PUDP: variants seen among roughly 807,000 people sequenced by gnomAD.
PUDP encodes the protein pseudouridine-5'-phosphatase.
In PUDP, 8 loss-of-function variants were observed where a neutral mutation model predicts 9.4. That is an observed-to-expected ratio of 0.85 (90% CI 0.50 to 1.53). The LOEUF (loss-of-function observed/expected upper bound fraction) is 1.53, where lower values mean the gene tolerates loss of function less well. Among genes scored for constraint, PUDP ranks in the 40% most tolerant of loss-of-function variants. PUDP has a pLI of 0.00. For synonymous variants in PUDP, 99 were observed against 80.7 expected (o/e 1.23, Z -1.22); for missense variants, 188 against 189.7 (o/e 0.99, Z 0.05).
intron 3 of PUDP, among the ~76,000 whole-genome samples, chrX:6,830,256 C>T (rs182953769): frequency 1.4e-3 from 160 of 110,354 alleles, no homozygotes; most frequent in African/African-American, 5.1e-3. Context: ...ACAACATCAA[C>T]CTGGAGGCTG....
intron 3 of PUDP, among the ~76,000 whole-genome samples, chrX:6,781,578 T>C (rs1319728456): frequency 8.9e-6 from 1 of 112,172 alleles, no homozygotes; most frequent in African/African-American, 3.2e-5. Flanking sequence ...GAAATCCTGA[T>C]TTGGCTTTTG....
chrX:7,005,829 T>C (rs756130783), intron 1 of PUDP, among the ~76,000 whole-genome samples: 13 of 111,343 alleles, frequency 1.2e-4, no homozygotes, highest in East Asian at 5.6e-4. Flanking sequence ...CCATGAACAC[T>C]AACTCCTCAT....
chrX:6,958,765 A>AG (rs1928665953), intron 3 of PUDP, among the ~76,000 whole-genome samples: 1 of 97,440 alleles, frequency 1.0e-5, no homozygotes, highest in African/African-American at 3.6e-5. Context: ...AAAAAAAAAA[A>AG]AGAGAAAAGG....
chrX:7,061,028 G>C (rs1478761013), intron 3 of PUDP, among the ~76,000 whole-genome samples: 3 of 111,770 alleles, frequency 2.7e-5, no homozygotes, highest in Non-Finnish European at 5.6e-5. Context: ...GAAAACAGAG[G>C]TGGAAGGCAT....
intron 3 of PUDP, among the ~76,000 whole-genome samples, chrX:6,752,436 A>G (rs1207074778): frequency 8.9e-6 from 1 of 111,945 alleles, no homozygotes; most frequent in Non-Finnish European, 1.9e-5. Flanking sequence ...GAAATATTCT[A>G]TGCAAAGGTG....
intron 3 of PUDP, among the ~76,000 whole-genome samples, chrX:6,770,247 C>A (rs908072623): frequency 3.2e-4 from 36 of 112,747 alleles, no homozygotes; most frequent in African/African-American, 8.3e-4. Flanking sequence ...TGGCCACACA[C>A]ATTCATTTGC....
At chrX:7,018,183 C>A (rs1190259343) in intron 1 of PUDP, among the ~76,000 whole-genome samples, 1 of 111,697 alleles carries the variant, frequency 9.0e-6, no homozygotes, top group Non-Finnish European at 1.9e-5. Context: ...TATGGAGTAG[C>A]CATTCTTTTA....
intron 3 of PUDP, among the ~76,000 whole-genome samples, chrX:6,788,731 G>GA (rs989379306): frequency 1.8e-5 from 2 of 111,806 alleles, no homozygotes; most frequent in Non-Finnish European, 3.8e-5. Context: ...ATAAGTCGAG[G>GA]AGCATCTGTA....
chrX:7,053,121 G>A (rs1160145917), intron 3 of PUDP, among the ~76,000 whole-genome samples: 1 of 111,917 alleles, frequency 8.9e-6, no homozygotes, highest in East Asian at 2.8e-4. Flanking sequence ...CGGGGATTCT[G>A]AAGCTTTGTG....
intron 1 of PUDP, among the ~76,000 whole-genome samples, chrX:7,028,863 G>A (rs1339389458): frequency 9.0e-6 from 1 of 111,564 alleles, no homozygotes. Context: ...GTGTGAGCGG[G>A]GCTGGTTCCT....
intron 3 of PUDP, among the ~76,000 whole-genome samples, chrX:6,743,197 G>T (rs1010798626): frequency 8.9e-6 from 1 of 112,097 alleles, no homozygotes; most frequent in Admixed American, 9.4e-5. Flanking sequence ...TGTTCTTATT[G>T]CAGTGACTGT....
In PUDP at chrX:6,717,574, C is replaced by A. The variant is rs779228609; in HGVS notation, n.128+3843G>T. Among the ~76,000 whole-genome samples, 4 of 112,117 alleles carry A rather than the reference C, an allele frequency of 3.6e-5. 1 individual carries two copies. The South Asian group carries it at 1.5e-3, about 42-fold the overall frequency. On this transcript the variant is annotated intron_variant and non_coding_transcript_variant, in intron 1 of 2. Transcript: ENST00000438499. Reference sequence around the variant, plus strand: ...GTCCCTGCCCTCTTGTGCTCACAGCCTACATAATCCTCTCCCCTTCAGCAG... The same window carrying A: ...GTCCCTGCCCTCTTGTGCTCACAGCATACATAATCCTCTCCCCTTCAGCAG...
rs377699850 is a variant in PUDP at position 7,050,395 on chromosome X, G to A, written c.588C>T (p.Asp196=). ...TTGTCAGATCTCGGCTCAAGTTTCC[G>A]TCAGGAACCATGACCACCTGCATCC... ...AAGMQVVMVP[D]GNLSRDLTTK... is the part of the protein sequence containing the mutation. The change falls in exon 4 of 4, where the codon GAC becomes GAT. Residue 196 remains aspartate (D), a synonymous_variant. Transcript: ENST00000381077. The A allele has an allele frequency of 6.2e-5, 75 of 1,209,113 alleles. No homozygotes were observed. The highest frequency in any genetic ancestry group is 3.8e-4 in the African/African-American group (22 of 57,254).
intron 3 of PUDP, among the ~76,000 whole-genome samples, chrX:6,960,218 G>A (rs1438192760): frequency 8.9e-6 from 1 of 112,443 alleles, no homozygotes; most frequent in Non-Finnish European, 1.9e-5. Context: ...TGGTTTGAAT[G>A]TATCCCCAAA....
intron 1 of PUDP, among the ~76,000 whole-genome samples, chrX:7,132,020 A>T (rs769376235): frequency 1.2e-3 from 136 of 110,407 alleles, no homozygotes; most frequent in Non-Finnish European, 2.1e-3. Flanking sequence ...AAGAAAATCG[A>T]GTTGTCTCTA....
At chrX:6,929,303 G>A (rs1217816618) in intron 3 of PUDP, among the ~76,000 whole-genome samples, 1 of 112,558 alleles carries the variant, frequency 8.9e-6, no homozygotes, top group Non-Finnish European at 1.9e-5. Flanking sequence ...GGCCCAAGGT[G>A]GCCTGGCTAC....
chrX:6,954,812 T>C (rs1291462447), intron 3 of PUDP, among the ~76,000 whole-genome samples: 2 of 112,203 alleles, frequency 1.8e-5, no homozygotes, highest in Non-Finnish European at 3.8e-5. Flanking sequence ...CATTGCTATG[T>C]GACAGTATGC....
At chrX:7,041,418 T>C (rs73627525) in intron 1 of PUDP, among the ~76,000 whole-genome samples, 486 of 112,001 alleles carry the variant, frequency 4.3e-3, no homozygotes, top group African/African-American at 0.015. Context: ...ATGCTTTTCG[T>C]CCACCTGGCT....
chrX:6,916,115 C>T lies in PUDP; in HGVS notation c.*247+61018G>A, dbSNP rs759690149. Among the ~76,000 whole-genome samples the T allele has an allele frequency of 2.7e-4, 30 of 109,361 alleles. 1 individual carries two copies. In the Middle Eastern group the frequency reaches 0.019, roughly 68 times the overall value. The allele number at this position is 109,361 out of a possible 115,157, so 95.0% of individuals were successfully genotyped here. ...TTATTGTTTTTAACAGGCTTCCCCGCACACATACACATGTACTGTTATCTC... is the reference window on the plus strand; with the variant it reads ...TTATTGTTTTTAACAGGCTTCCCCGTACACATACACATGTACTGTTATCTC... On this transcript the variant is annotated intron_variant and NMD_transcript_variant, in intron 3 of 3. Transcript: ENST00000655425.
Sources: gnomAD v4.1 joint callset for allele counts (sites outside exome capture counted in the v4.1 genomes callset) on GRCh38, gnomAD v4.1.1 for gene constraint, MANE v1.5 for transcripts, NCBI Gene and HGNC (gene_info 2026-07-23, HGNC 2026-07-21) for gene names.